Variants in NAALADL2 observed in about 807,000 individuals in gnomAD.
NAALADL2 encodes N-acetylated alpha-linked acidic dipeptidase like 2.
Under a neutral mutation model 87.2 loss-of-function variants are expected in NAALADL2, and 76 were observed. The ratio of observed to expected loss-of-function variants is 0.87; its 90% CI spans 0.72 to 1.05. The LOEUF (loss-of-function observed/expected upper bound fraction) is 1.05. Ranked by LOEUF, NAALADL2 falls within the 50% of genes least tolerant of loss-of-function variation. The pLI is 0.00. For synonymous variants in NAALADL2, 354 were observed against 331.0 expected, an observed-to-expected ratio of 1.07 and a Z score of -0.75; for missense variants, 1,089 against 945.8, an observed-to-expected ratio of 1.15 and a Z score of -1.99.
At chr3:175,298,722 T>C (rs1243867544) in intron 4 of NAALADL2, among the ~76,000 whole-genome samples, 2 of 152,142 alleles carry the variant, frequency 1.3e-5, no homozygotes, top group East Asian at 1.9e-4. Flanking sequence ...CATTTCTATA[T>C]TGGGTTCATT....
intron 1 of NAALADL2, among the ~76,000 whole-genome samples, chr3:174,469,855 C>T (rs1210278694): frequency 6.6e-6 from 1 of 152,032 alleles, no homozygotes; most frequent in Non-Finnish European, 1.5e-5. Flanking sequence ...ATTGTTGTCT[C>T]ATTTTGAATT....
At chr3:174,494,986 A>G (rs115045151) in intron 1 of NAALADL2, among the ~76,000 whole-genome samples, 71 of 152,298 alleles carry the variant, frequency 4.7e-4, no homozygotes, top group African/African-American at 1.7e-3. Context: ...AGCTTGCCCA[A>G]GTCAGCAATA....
chr3:174,699,418 T>C (rs550559225), intron 2 of NAALADL2, among the ~76,000 whole-genome samples: 15 of 150,640 alleles, frequency 1.0e-4, no homozygotes, highest in Admixed American at 4.0e-4. Flanking sequence ...CCCTTGAACC[T>C]GGGAGGCGGA....
In NAALADL2 at chr3:174,763,296, AC is replaced by A. The variant is rs544945602; in HGVS notation, c.-9+25551del. Among the ~76,000 whole-genome samples, 19 of 152,184 alleles carry A rather than the reference AC, an allele frequency of 1.2e-4. No homozygotes were observed. In the South Asian group the frequency reaches 3.9e-3, roughly 32 times the overall value. On this transcript the variant is annotated intron_variant, in intron 3 of 3. Transcript: ENST00000434257. ...ATGTACTGAAGAAGATTATTCAGAT[AC>A]AAAAATGTTGGCCGGGCGCAGTGGC...
intron 9 of NAALADL2, among the ~76,000 whole-genome samples, chr3:175,522,707 C>G (rs1161421186): frequency 6.6e-6 from 1 of 152,166 alleles, no homozygotes; most frequent in Non-Finnish European, 1.5e-5. Context: ...CTTCTCAGTA[C>G]ACATTTAGTA....
intron 3 of NAALADL2, among the ~76,000 whole-genome samples, chr3:174,757,714 A>G (rs7611995): frequency 2.0e-5 from 3 of 151,498 alleles, no homozygotes; most frequent in African/African-American, 4.9e-5. Context: ...CATATTGGCC[A>G]GGCTGGTCTC....
At chr3:175,303,471 T>A (rs1016979340) in intron 4 of NAALADL2, among the ~76,000 whole-genome samples, 8 of 152,070 alleles carry the variant, frequency 5.3e-5, no homozygotes, top group Admixed American at 1.3e-4. Flanking sequence ...CAAAAAAAAA[T>A]TTCCCATATT....
At chr3:174,735,650 C>T (rs1319116453) in intron 2 of NAALADL2, among the ~76,000 whole-genome samples, 1 of 152,184 alleles carries the variant, frequency 6.6e-6, no homozygotes, top group African/African-American at 2.4e-5. Flanking sequence ...ACCTCTACCT[C>T]ACAGGCTCAA....
chr3:175,079,878 A>G (rs987901164), intron 1 of NAALADL2, among the ~76,000 whole-genome samples: 3 of 152,158 alleles, frequency 2.0e-5, no homozygotes, highest in Admixed American at 1.3e-4. Context: ...TATGCCCTCA[A>G]TTTAGCTTTC....
intron 1 of NAALADL2, among the ~76,000 whole-genome samples, chr3:174,993,594 G>A (rs1747030955): frequency 6.6e-6 from 1 of 152,138 alleles, no homozygotes; most frequent in Non-Finnish European, 1.5e-5. Context: ...GGCCTATGTG[G>A]AGAAGACATT....
intron 3 of NAALADL2, among the ~76,000 whole-genome samples, chr3:174,846,288 C>T (rs1161775222): frequency 6.6e-6 from 1 of 152,160 alleles, no homozygotes; most frequent in African/African-American, 2.4e-5. Flanking sequence ...GGTATTTTGT[C>T]ATTTCCGTGT....
intron 12 of NAALADL2, among the ~76,000 whole-genome samples, chr3:175,746,174 T>A (rs935590194): frequency 6.6e-6 from 1 of 152,086 alleles, no homozygotes; most frequent in Non-Finnish European, 1.5e-5. Context: ...TCTTTTTTTT[T>A]TCATTAGCTC....
At chr3:175,780,712 A>C (rs1443492572) in intron 13 of NAALADL2, among the ~76,000 whole-genome samples, 1 of 152,218 alleles carries the variant, frequency 6.6e-6, no homozygotes, top group East Asian at 1.9e-4. Context: ...CCATTAAAAA[A>C]GATAAAGCAA....
chr3:175,771,394 A>G (rs1749465901), intron 13 of NAALADL2, among the ~76,000 whole-genome samples: 1 of 152,186 alleles, frequency 6.6e-6, no homozygotes, highest in South Asian at 2.1e-4. Context: ...CTATTATGTA[A>G]AAGGCATAAC....
intron 9 of NAALADL2, among the ~76,000 whole-genome samples, chr3:175,500,394 C>A (rs1380302310): frequency 6.6e-6 from 1 of 151,558 alleles, no homozygotes. Flanking sequence ...CAATAGTAGG[C>A]AAAAAGGCAC....
At chr3:175,445,796 C>A (rs1272431372) in intron 5 of NAALADL2, among the ~76,000 whole-genome samples, 2 of 152,134 alleles carry the variant, frequency 1.3e-5, no homozygotes, top group Non-Finnish European at 2.9e-5. Flanking sequence ...TATAGCTAGA[C>A]ATTCTTCAAA....
chr3:175,241,877 T>TTTTTTC (rs869033664), intron 3 of NAALADL2, among the ~76,000 whole-genome samples: 1 of 145,758 alleles, frequency 6.9e-6, no homozygotes, highest in South Asian at 2.2e-4. Flanking sequence ...TTTTTTTTTT[T>TTTTTTC]CTTGAGACAG....
At chr3:174,844,246 C>T (rs1432179232) in intron 3 of NAALADL2, among the ~76,000 whole-genome samples, 5 of 152,122 alleles carry the variant, frequency 3.3e-5, no homozygotes, top group Non-Finnish European at 5.9e-5. Flanking sequence ...ATTGAAGAGA[C>T]TGGGTTTTCC....
chr3:174,575,125 A>C (rs547178137), intron 2 of NAALADL2, among the ~76,000 whole-genome samples: 1 of 152,206 alleles, frequency 6.6e-6, no homozygotes, highest in African/African-American at 2.4e-5. Flanking sequence ...ATTTTGGTTA[A>C]TTTTTTAAAA....
Sources: gnomAD v4.1 joint callset for allele counts (sites outside exome capture counted in the v4.1 genomes callset) on GRCh38, gnomAD v4.1.1 for gene constraint, MANE v1.5 for transcripts, NCBI Gene and HGNC (gene_info 2026-07-23, HGNC 2026-07-21) for gene names.